Variants in LRRC2 observed in about 807,000 individuals in gnomAD.
LRRC2 encodes leucine-rich repeat-containing protein 2.
In LRRC2, 27 loss-of-function variants were observed where a neutral mutation model predicts 40.2. The observed-to-expected ratio is 0.67, with a 90% confidence interval of 0.49 to 0.93. The LOEUF is 0.93. Among genes scored for constraint, LRRC2 ranks in the 40% least tolerant of loss-of-function variants. The pLI is 0.00. For missense variants in LRRC2, 402 were observed against 439.6 expected (o/e 0.91, Z 0.76); for synonymous variants, 147 against 158.9 (o/e 0.92, Z 0.56).
At chr3:46,528,710 A>C (rs897811281) in intron 6 of LRRC2, among the ~76,000 whole-genome samples, 7 of 152,332 alleles carry the variant, frequency 4.6e-5, no homozygotes, top group East Asian at 1.9e-4. Context: ...AGAAAGCATC[A>C]ATACACATCA....
rs1255168309 is a variant in LRRC2, at chr3:46,518,111, C to G, written c.*903G>C. 6.6e-6 allele frequency: 1 copy of G among 152,312 alleles called. No individual in the cohort carries two copies. The highest frequency in any genetic ancestry group is 1.5e-5 in the Non-Finnish European group (1 of 68,102). 9.4% of individuals were successfully genotyped at this position (152,312 alleles called of 1,614,324 possible). A position where few individuals can be genotyped will look rare whatever the true frequency, so the allele number is the denominator to read the frequency against. On this transcript the variant is annotated 3_prime_UTR_variant, in exon 9 of 9. Transcript: ENST00000395905. ...TCAACTAGATCTACCCACGCACCAT[C>G]TGAGCATCTCATGCCCAAAGCATGG...
chr3:46,547,745 G>A (rs192268092), intron 2 of LRRC2, among the ~76,000 whole-genome samples: 98 of 151,886 alleles, frequency 6.5e-4, no homozygotes, highest in African/African-American at 2.2e-3. Flanking sequence ...AGCACATGAA[G>A]GGATATGAAT....
rs927583060 is a variant in LRRC2 at position 46,558,812 on chromosome 3, T to C, written c.-19-7202A>G. 2.6e-5 allele frequency: 4 copies of C among 152,234 alleles called. No homozygotes were observed. In the East Asian group the frequency reaches 7.7e-4, roughly 29 times the overall value. The allele number at this position is 152,234 out of a possible 1,614,324, so 9.4% of individuals were successfully genotyped here. On this transcript the variant is annotated intron_variant, in intron 1 of 8. Transcript: ENST00000395905. ...AGCGTGACGGTTTGCTCCACTCTTT[T>C]GGGCTATAGCTCCTCCAATCAGAAA...
At chr3:46,526,354 C>A (rs1479786680) in intron 7 of LRRC2, among the ~76,000 whole-genome samples, 1 of 152,198 alleles carries the variant, frequency 6.6e-6, no homozygotes, top group East Asian at 1.9e-4. Flanking sequence ...TTTACCCTGA[C>A]TGCTATGAGA....
chr3:46,547,924 C>G (rs551366811), intron 2 of LRRC2, among the ~76,000 whole-genome samples: 1 of 152,228 alleles, frequency 6.6e-6, no homozygotes, highest in South Asian at 2.1e-4. Flanking sequence ...CTTACTGTAG[C>G]AGTCAGGACA....
chr3:46,534,133 T>C (rs888109242), intron 4 of LRRC2, among the ~76,000 whole-genome samples: 2 of 152,200 alleles, frequency 1.3e-5, no homozygotes, highest in East Asian at 1.9e-4. Flanking sequence ...TGTGTCCATG[T>C]GTTCTCATTG....
rs1196719199 is a variant in LRRC2, at chr3:46,529,925, G to A, written c.753C>T (p.Asp251=). Residue 251 remains aspartate, a synonymous_variant, in exon 6 of 9, where the codon GAC becomes GAT. Coordinates refer to ENST00000395905, the MANE Select transcript of LRRC2 (RefSeq NM_024512.5). The stretch of plus-strand genomic sequence containing the variant: ...GCTACCTGTCTATATCTTGCGGCAG[G>A]TCGGTCAGGTTATTGCTGCTGATAT... ...WLDISSNNLT[D]LPQDIDRLEE... is the part of the protein sequence containing the mutation. 6 of 1,613,970 alleles carry A rather than the reference G, an allele frequency of 3.7e-6. No individual in the cohort carries two copies. The Admixed American group carries it at 8.3e-5, about 22-fold the overall frequency.
rs551282922 is a variant in LRRC2, at chr3:46,563,021, C to T, written c.-20+3156G>A. Among the ~76,000 whole-genome samples, 104 of 152,232 alleles carry T rather than the reference C, an allele frequency of 6.8e-4. 1 individual carries two copies. Among genetic ancestry groups the T allele is most frequent in the African/African-American group, 2.3e-3 (95 of 41,516 alleles). On this transcript the variant is annotated intron_variant, in intron 1 of 8. Coordinates refer to ENST00000395905, the MANE Select transcript of LRRC2 (RefSeq NM_024512.5). ...GATTACAGGTATGAGCCACTGTACT[C>T]GGCCAGAAGTCACTTCTTTTGCTTC... is the stretch of plus-strand genomic sequence containing the variant.
intron 1 of LRRC2, chr3:46,559,448 G>C (rs2107058773): frequency 6.6e-6 from 1 of 152,346 alleles, no homozygotes; most frequent in East Asian, 1.9e-4. Flanking sequence ...TACACACAGG[G>C]CTCGTGTTCT....
intron 7 of LRRC2, among the ~76,000 whole-genome samples, chr3:46,524,793 C>T (rs1280017846): frequency 6.6e-6 from 1 of 151,986 alleles, no homozygotes; most frequent in African/African-American, 2.4e-5. Context: ...TTTCTATATG[C>T]TATGTATACC....
chr3:46,522,871 AT>A (rs199608947), intron 7 of LRRC2, among the ~76,000 whole-genome samples: 1 of 152,084 alleles, frequency 6.6e-6, no homozygotes, highest in East Asian at 1.9e-4. Flanking sequence ...TCAAAGATGT[AT>A]TGATGTGAAA....
chr3:46,530,641 T>C (rs1054285620), intron 5 of LRRC2, among the ~76,000 whole-genome samples: 5 of 152,202 alleles, frequency 3.3e-5, no homozygotes, highest in Non-Finnish European at 5.9e-5. Context: ...ATCACAATCA[T>C]GGTGGAAGGC....
chr3:46,553,474 G>T (rs533139647), intron 1 of LRRC2, among the ~76,000 whole-genome samples: 1 of 152,172 alleles, frequency 6.6e-6, no homozygotes. Context: ...TTTCAGACAG[G>T]GTATTACCTG....
At chr3:46,533,803 C>CTTTCTTTCTTTCTTTCCTTCTTTCTTTG (rs1324185043) in intron 4 of LRRC2, among the ~76,000 whole-genome samples, 2 of 122,034 alleles carry the variant, frequency 1.6e-5, no homozygotes, top group African/African-American at 2.9e-5. Context: ...TTCTTTGTTT[C>CTTTCTTTCTTTCTTTCCTTCTTTCTTTG]TTTCTTTCTT....
chr3:46,545,423 A>C (rs1559416530), intron 2 of LRRC2, among the ~76,000 whole-genome samples, 170 bp from the exon 3 acceptor site: 1 of 151,996 alleles, frequency 6.6e-6, no homozygotes, highest in East Asian at 1.9e-4. Context: ...GAAACCCTAA[A>C]CCCTTTTGTG....
rs761010971 is a variant in LRRC2 at position 46,530,038 on chromosome 3, T to TA, written c.639_640insT (p.Lys214Ter). On this transcript the variant is annotated frameshift_variant, in exon 6 of 9. Transcript: ENST00000395905. LOFTEE classifies it high-confidence loss of function. ...GAGATATCTACAAATGTAACTTGCTTCAAATTACTTAACTAGAAATGAATA... is the reference window on the plus strand; with the variant it reads ...GAGATATCTACAAATGTAACTTGCTTACAAATTACTTAACTAGAAATGAATA... 1.2e-6 allele frequency: 2 copies of TA among 1,611,010 alleles called. No homozygotes were observed. The highest frequency in any genetic ancestry group is 3.3e-5 in the Admixed American group (2 of 59,958).
intron 1 of LRRC2, among the ~76,000 whole-genome samples, chr3:46,555,305 G>T (rs1167536028): frequency 6.6e-6 from 1 of 151,908 alleles, no homozygotes; most frequent in Non-Finnish European, 1.5e-5. Context: ...AACCAATTCT[G>T]ACTATCTCTA....
chr3:46,540,263 G>C (rs138212377), intron 3 of LRRC2, among the ~76,000 whole-genome samples: 3 of 152,204 alleles, frequency 2.0e-5, no homozygotes, highest in Non-Finnish European at 2.9e-5. Context: ...AGTGGCTCAC[G>C]CCTGTAATCC....
chr3:46,523,304 A>G (rs530373214), intron 7 of LRRC2, among the ~76,000 whole-genome samples: 1 of 152,276 alleles, frequency 6.6e-6, no homozygotes, highest in African/African-American at 2.4e-5. Flanking sequence ...TTGTGAAGCA[A>G]TAGTCTCTCA....
Sources: allele counts gnomAD v4.1 joint callset (sites outside exome capture counted in the v4.1 genomes callset), GRCh38; gene constraint gnomAD v4.1.1; transcripts MANE v1.5; gene names NCBI Gene and HGNC (gene_info 2026-07-23, HGNC 2026-07-21).